The following GLCE variants were observed in gnomAD, a reference collection of about 807,000 sequenced individuals.
GLCE encodes glucuronic acid epimerase.
GLCE carries 19 observed loss-of-function variants against 47.9 expected under a neutral mutation model. The ratio of observed to expected loss-of-function variants is 0.40; its 90% CI spans 0.28 to 0.58. The LOEUF (loss-of-function observed/expected upper bound fraction) is 0.58, where lower values mean the gene tolerates loss of function less well. Ranked by LOEUF, GLCE falls within the 20% of genes least tolerant of loss-of-function variation. The pLI is 0.48. For missense variants in GLCE, 556 were observed against 743.3 expected (o/e 0.75, Z 2.93); for synonymous variants, 245 against 263.4 (o/e 0.93, Z 0.68).
intron 4 of GLCE, among the ~76,000 whole-genome samples, chr15:69,263,586 T>C (rs112930087): frequency 1.3e-5 from 2 of 152,176 alleles, no homozygotes; most frequent in African/African-American, 2.4e-5. Flanking sequence ...ATTGAATGAA[T>C]TGAAACTTTA....
intron 1 of GLCE, among the ~76,000 whole-genome samples, chr15:69,182,385 AAGAG>A (rs148023337): frequency 2.6e-4 from 37 of 144,128 alleles, no homozygotes; most frequent in South Asian, 1.1e-3. Context: ...ATTGCGCTGA[AAGAG>A]AGAGAGAGAG....
chr15:69,228,243 G>C (rs913112003), intron 2 of GLCE, among the ~76,000 whole-genome samples: 2 of 152,142 alleles, frequency 1.3e-5, no homozygotes, highest in Admixed American at 1.3e-4. Context: ...GTGACAGAAA[G>C]GGTAAATATA....
Position 69,269,784 on chromosome 15 carries a change from G to A in GLCE, c.*540G>A, listed in dbSNP as rs1292835829. On this transcript the variant is annotated 3_prime_UTR_variant, in exon 5 of 5. Transcript: ENST00000261858. Reference sequence around the variant, plus strand: ...TCTTGGGAGCAAATGAGTATTTGTTGCATTTGTTCAATTTGTTGTATATGG... The same window carrying A: ...TCTTGGGAGCAAATGAGTATTTGTTACATTTGTTCAATTTGTTGTATATGG... 1 of 152,754 alleles carries A rather than the reference G, an allele frequency of 6.5e-6. No homozygotes were observed. The highest frequency in any genetic ancestry group is 2.4e-5 in the African/African-American group (1 of 41,442). The allele number at this position is 152,754 out of a possible 1,614,324, so 9.5% of individuals were successfully genotyped here. A position where few individuals can be genotyped will look rare whatever the true frequency, so the allele number is the denominator to read the frequency against.
chr15:69,189,896 G>A (rs1360161673), intron 1 of GLCE, among the ~76,000 whole-genome samples: 1 of 151,840 alleles, frequency 6.6e-6, no homozygotes, highest in Admixed American at 6.6e-5. Flanking sequence ...ATGGAGGTTT[G>A]TTGTACAGAT....
chr15:69,220,101 T>C (rs1025251100), intron 2 of GLCE, among the ~76,000 whole-genome samples: 2 of 152,134 alleles, frequency 1.3e-5, no homozygotes, highest in African/African-American at 4.8e-5. Context: ...ATATACCACA[T>C]TTTACGTATT....
intron 1 of GLCE, among the ~76,000 whole-genome samples, chr15:69,186,393 C>T (rs999290122): frequency 2.6e-5 from 4 of 152,068 alleles, no homozygotes; most frequent in South Asian, 4.1e-4. Context: ...GAGCCAGGAA[C>T]CATGAATGAA....
intron 2 of GLCE, among the ~76,000 whole-genome samples, chr15:69,211,651 A>G (rs1043983554): frequency 6.6e-6 from 1 of 151,982 alleles, no homozygotes; most frequent in Non-Finnish European, 1.5e-5. Context: ...AAAAAAAAGT[A>G]TATTTTAAAA....
intron 2 of GLCE, among the ~76,000 whole-genome samples, chr15:69,249,518 A>AT (rs1186372113): frequency 6.6e-6 from 1 of 152,180 alleles, no homozygotes; most frequent in South Asian, 2.1e-4. Flanking sequence ...TCAATAAATT[A>AT]TTTTTTAATT....
At chr15:69,192,084 G>T (rs758814348) in intron 1 of GLCE, among the ~76,000 whole-genome samples, 2 of 152,022 alleles carry the variant, frequency 1.3e-5, no homozygotes, top group Non-Finnish European at 2.9e-5. Flanking sequence ...TTGAACTTCT[G>T]GGAACTGTGG....
chr15:69,209,215 T>C (rs552745168), intron 1 of GLCE, among the ~76,000 whole-genome samples: 1 of 152,238 alleles, frequency 6.6e-6, no homozygotes, highest in South Asian at 2.1e-4. Flanking sequence ...ATAATGGCTC[T>C]AAATATCTTT....
intron 1 of GLCE, among the ~76,000 whole-genome samples, chr15:69,198,781 C>A (rs1158484721): frequency 6.6e-6 from 1 of 152,100 alleles, no homozygotes; most frequent in Non-Finnish European, 1.5e-5. Context: ...TCTTGAACTC[C>A]TGGGCTCAAG....
chr15:69,229,155 C>T (rs761495319), intron 2 of GLCE, among the ~76,000 whole-genome samples: 22 of 152,240 alleles, frequency 1.4e-4, no homozygotes, highest in Admixed American at 2.6e-4. Context: ...TAAAGAAGGT[C>T]ATTTCATAAT....
chr15:69,255,620 G>A (rs193008051), intron 2 of GLCE, among the ~76,000 whole-genome samples, 174 bp from the exon 3 acceptor site: 311 of 151,858 alleles, frequency 2.0e-3, no homozygotes, highest in Non-Finnish European at 3.5e-3. Context: ...AAAGGAGGAA[G>A]CACCTCTTAC....
At chr15:69,207,304 C>G (rs2052166200) in intron 1 of GLCE, among the ~76,000 whole-genome samples, 1 of 152,038 alleles carries the variant, frequency 6.6e-6, no homozygotes, top group African/African-American at 2.4e-5. Context: ...ATGTGCGGTT[C>G]TGTGGGTTTT....
At chr15:69,162,532 G>T (rs1294356337) in intron 1 of GLCE, among the ~76,000 whole-genome samples, 1 of 151,588 alleles carries the variant, frequency 6.6e-6, no homozygotes, top group African/African-American at 2.4e-5. Flanking sequence ...CTTTTTCTTC[G>T]TGTCAGTTTT....
Position 69,174,345 on chromosome 15 carries a change from C to T in GLCE, c.-105+13588C>T, listed in dbSNP as rs116971387. Among the ~76,000 whole-genome samples, 1,450 of 152,290 alleles carry T rather than the reference C, an allele frequency of 9.5e-3. 11 individuals are homozygous for T. Among genetic ancestry groups the T allele is most frequent in the Non-Finnish European group, 0.015 (989 of 68,032 alleles). On this transcript the variant is annotated intron_variant, in intron 1 of 4. Transcript: ENST00000261858. ...GTTAATGTCAAAAACTGAAACCACT[C>T]ATGCCTGTAATCCCAGCACTTTGGG...
intron 2 of GLCE, among the ~76,000 whole-genome samples, chr15:69,248,133 C>T (rs11633040): frequency 0.046 from 6,949 of 152,206 alleles, 207 homozygotes; most frequent in South Asian, 0.076. Flanking sequence ...TGCAAAATTT[C>T]CTTCCTGTTT....
At chr15:69,225,114 A>G (rs576258854) in intron 2 of GLCE, among the ~76,000 whole-genome samples, 1 of 152,318 alleles carries the variant, frequency 6.6e-6, no homozygotes, top group Non-Finnish European at 1.5e-5. Flanking sequence ...TAATATGTCT[A>G]AAAAGGTATG....
chr15:69,233,463 T>C (rs1187239787), intron 2 of GLCE, among the ~76,000 whole-genome samples: 1 of 152,198 alleles, frequency 6.6e-6, no homozygotes, highest in African/African-American at 2.4e-5. Flanking sequence ...GAAATAGACA[T>C]CAATAACATA....
Sources: gnomAD v4.1 joint callset for allele counts (sites outside exome capture counted in the v4.1 genomes callset) on GRCh38, gnomAD v4.1.1 for gene constraint, MANE v1.5 for transcripts, NCBI Gene and HGNC (gene_info 2026-07-23, HGNC 2026-07-21) for gene names.